The following APOL4 variants were observed in gnomAD, a reference collection of about 807,000 sequenced individuals.
APOL4 encodes the protein apolipoprotein L, 4.
A neutral mutation model predicts 12.1 loss-of-function variants in APOL4; 14 were observed. The ratio of observed to expected loss-of-function variants is 1.16; its 90% CI spans 0.76 to 1.81. The LOEUF (loss-of-function observed/expected upper bound fraction) is 1.81. Ranked by LOEUF, APOL4 falls within the 40% of genes most tolerant of loss-of-function variation. The pLI is 0.00. For synonymous variants in APOL4, 171 were observed against 160.6 expected, an observed-to-expected ratio of 1.06 and a Z score of -0.49; for missense variants, 432 against 423.1, an observed-to-expected ratio of 1.02 and a Z score of -0.18.
intron 2 of APOL4, among the ~76,000 whole-genome samples, 162 bp downstream of exon 2, chr22:36,199,168 G>C (rs1478442126): frequency 6.6e-6 from 1 of 152,212 alleles, no homozygotes; most frequent in Admixed American, 6.5e-5. Flanking sequence ...ACTCCACGTG[G>C]CCTCTCTTGG....
In APOL4 at chr22:36,195,415, T is replaced by C. The variant is rs770457413; in HGVS notation, c.105A>G (p.Glu35=). 3 of 1,613,564 alleles carry C rather than the reference T, an allele frequency of 1.9e-6. No homozygotes were observed. In the South Asian group the frequency reaches 3.3e-5, roughly 18 times the overall value. ...CTTTCTTCTGGAAGTATTCAATGAC[T>C]TCTTCAGTGAAGCGTTTCTTTTCTA... ...QFQEKKRFTE[E]VIEYFQKKVS... is the part of the protein sequence containing the mutation. The change falls in exon 3 of 4, where the codon GAA becomes GAG. Residue 35 remains glutamate (E), a synonymous_variant. Transcript: ENST00000683024.
intron 2 of APOL4, chr22:36,197,948 T>TGG (rs2014462275): frequency 1.5e-6 from 2 of 1,377,564 alleles, no homozygotes; most frequent in Non-Finnish European, 1.9e-6. Context: ...CACCCACCTG[T>TGG]GCCACAGAAG....
At chr22:36,202,046 G>A, upstream of APOL4, 1 of 1,614,068 alleles carries the variant, frequency 6.2e-7, no homozygotes, top group African/African-American at 1.3e-5. Flanking sequence ...TGTCGCTGCG[G>A]GGCCTCCTCC....
intron 2 of APOL4, among the ~76,000 whole-genome samples, chr22:36,196,867 C>T (rs1469180437): frequency 6.6e-6 from 1 of 152,202 alleles, no homozygotes; most frequent in Non-Finnish European, 1.5e-5. Context: ...GTGGTTTCTG[C>T]ATTCTCCCCT....
At chr22:36,202,368 C>T (rs925484611), upstream of APOL4, among the ~76,000 whole-genome samples, 14 of 152,228 alleles carry the variant, frequency 9.2e-5, no homozygotes, top group African/African-American at 3.4e-4. Flanking sequence ...CCTCTGCCTC[C>T]CACAGCACTG....
chr22:36,203,963 C>T (rs913505972), upstream of APOL4, among the ~76,000 whole-genome samples: 1 of 152,200 alleles, frequency 6.6e-6, no homozygotes, highest in African/African-American at 2.4e-5. Context: ...GTTTCTTCTC[C>T]ATCACCCCAG....
intron 1 of APOL4, among the ~76,000 whole-genome samples, chr22:36,200,876 C>G (rs753911720): frequency 6.6e-6 from 1 of 152,110 alleles, no homozygotes; most frequent in Non-Finnish European, 1.5e-5. Context: ...TTATCAATAC[C>G]AATTAGTACA....
In APOL4 at chr22:36,191,860, C is replaced by A. The variant is rs761143263; in HGVS notation, c.262G>T (p.Ala88Ser). The A allele has an allele frequency of 1.2e-6, 2 of 1,612,328 alleles. No individual in the cohort carries two copies. Among genetic ancestry groups the A allele is most frequent in the Admixed American group, 1.7e-5 (1 of 59,976 alleles). The change falls in exon 4 of 4, where the codon GCT becomes TCT. Residue 88 changes from alanine to serine, a missense_variant. Physicochemically the swap from Ala to Ser is moderately conservative, Grantham distance 99. Transcript: ENST00000683024. Reference protein sequence around the residue: ...EALKNLTPYVAIEDKDMQQKE... With the variant: ...EALKNLTPYVSIEDKDMQQKE... ...TGCTGCATGTCTTTGTCCTCAATAG[C>A]CACATATGGTGTAAGATTCTTCAGA... is the stretch of plus-strand genomic sequence containing the variant.
rs1295524407 is a variant in APOL4 at position 36,190,189 on chromosome 22, A to T, written c.*886T>A. The T allele has an allele frequency of 1.4e-5, 2 of 141,334 alleles. No homozygotes were observed. The highest frequency in any genetic ancestry group is 2.2e-4 in the East Asian group (1 of 4,608). 8.8% of individuals were successfully genotyped at this position (141,334 alleles called of 1,614,324 possible). A position where few individuals can be genotyped will look rare whatever the true frequency, so the allele number is the denominator to read the frequency against. ...CAGCAAGTTTTTATTAGGGACTTTC[A>T]AAAGGGGAGGGAGTGTATGAATAGG... On this transcript the variant is annotated 3_prime_UTR_variant, in exon 4 of 4. Transcript: ENST00000683024.
At position 36,191,137 on chromosome 22, in the gene APOL4, G is replaced by C. The variant is rs764618104; in HGVS notation, c.985C>G (p.Gln329Glu). ...ESAESLRQWAQELEENLNELT... is the reference protein window; with the variant it reads ...ESAESLRQWAEELEENLNELT... ...TCATTGAGATTCTCCTCCAGCTCCT[G>C]AGCCCACTGCCTCAGCGACTCAGCA... Residue 329 changes from glutamine to glutamate, a missense_variant, in exon 4 of 4, where the codon CAG becomes GAG. By Grantham distance (29) the Gln-to-Glu change is conservative. Transcript: ENST00000683024. 6.2e-7 allele frequency: 1 copy of C among 1,611,722 alleles called. No homozygotes were observed. The highest frequency in any genetic ancestry group is 2.2e-5 in the East Asian group (1 of 44,808).
At chr22:36,204,475 G>A (rs1812023), upstream of APOL4, among the ~76,000 whole-genome samples, 53,875 of 152,048 alleles carry the variant, frequency 0.35, 10,018 homozygotes, top group African/African-American at 0.42. Context: ...TCAAGCCTGG[G>A]TGCAAATCCC....
rs61730817 is a variant in APOL4, at chr22:36,191,400, G to A, written c.722C>T (p.Ala241Val). 9.9e-5 allele frequency: 160 copies of A among 1,614,068 alleles called. 2 individuals carry two copies. The highest frequency in any genetic ancestry group is 7.9e-4 in the South Asian group (72 of 91,090). The change falls in exon 4 of 4, where the codon GCG becomes GTG. Residue 241 changes from alanine (A) to valine (V), a missense_variant. Ala to Val is a moderately conservative substitution (Grantham distance 64). Transcript: ENST00000683024. ...LDFDEATKMI[A>V]NDVHTLRRSK... is the part of the protein sequence containing the mutation. ...TCTCCTGAGTGTATGGACATCATTC[G>A]CAATCATTTTTGTGGCTTCGTCAAA... is the stretch of plus-strand genomic sequence containing the variant.
At chr22:36,198,879 G>A (rs2014487385) in intron 2 of APOL4, among the ~76,000 whole-genome samples, 1 of 152,218 alleles carries the variant, frequency 6.6e-6, no homozygotes, top group Non-Finnish European at 1.5e-5. Context: ...GCAAGAGCTG[G>A]AGGGAGGGGA....
chr22:36,195,920 T>C (rs923881015), intron 2 of APOL4, among the ~76,000 whole-genome samples: 1 of 152,150 alleles, frequency 6.6e-6, no homozygotes, highest in Non-Finnish European at 1.5e-5. Context: ...CACCTTGGAC[T>C]TCTTGCCTCT....
chr22:36,195,164 T>C, intron 3 of APOL4, 147 bp downstream of exon 3: 2 of 1,046,656 alleles, frequency 1.9e-6, no homozygotes, highest in South Asian at 3.6e-5. Context: ...TTGGAGGAAA[T>C]ATTCTTCCTG....
chr22:36,200,673 C>G (rs1222691053), intron 1 of APOL4, among the ~76,000 whole-genome samples: 1 of 152,226 alleles, frequency 6.6e-6, no homozygotes, highest in African/African-American at 2.4e-5. Context: ...AGTAGAATGA[C>G]TAGGTCAGAG....
intron 3 of APOL4, among the ~76,000 whole-genome samples, chr22:36,194,938 C>T (rs995167677): frequency 2.6e-5 from 4 of 152,240 alleles, no homozygotes; most frequent in African/African-American, 7.2e-5. Flanking sequence ...AAAGGTAACG[C>T]TAACTGAGCA....
chr22:36,202,674 A>G (rs2014618665), upstream of APOL4, among the ~76,000 whole-genome samples: 1 of 151,976 alleles, frequency 6.6e-6, no homozygotes, highest in South Asian at 2.1e-4. Context: ...TGCAGTGAGC[A>G]GAGATTGCGC....
At chr22:36,193,908 T>A (rs1380712627) in intron 3 of APOL4, among the ~76,000 whole-genome samples, 1 of 152,186 alleles carries the variant, frequency 6.6e-6, no homozygotes, top group Non-Finnish European at 1.5e-5. Context: ...CTTCAGGGTC[T>A]CACTCTCACA....
Sources: allele counts gnomAD v4.1 joint callset (sites outside exome capture counted in the v4.1 genomes callset), GRCh38; gene constraint gnomAD v4.1.1; transcripts MANE v1.5; gene names NCBI Gene and HGNC (gene_info 2026-07-23, HGNC 2026-07-21).